EPB41L2: variants seen among roughly 807,000 people sequenced by gnomAD.
The protein encoded by EPB41L2 is erythrocyte membrane protein band 4.1 like 2.
In EPB41L2, 43 loss-of-function variants were observed where a neutral mutation model predicts 113.0. The observed-to-expected ratio is 0.38, with a 90% CI of 0.30 to 0.49. The LOEUF (loss-of-function observed/expected upper bound fraction) is 0.49. Ranked by LOEUF, EPB41L2 falls within the 20% of genes least tolerant of loss-of-function variation. EPB41L2 has a pLI of 0.95. For missense variants in EPB41L2, 1,147 were observed against 1,223.4 expected, an observed-to-expected ratio of 0.94 and a Z score of 0.93; for synonymous variants, 442 against 436.7, an observed-to-expected ratio of 1.01 and a Z score of -0.15.
chr6:131,045,199 C>T (rs939288867), intron 1 of EPB41L2, among the ~76,000 whole-genome samples: 8 of 151,862 alleles, frequency 5.3e-5, no homozygotes, highest in Non-Finnish European at 5.9e-5. Flanking sequence ...GGTTTCCACT[C>T]GTCTTTATTG....
chr6:131,009,236 G>A (rs1026394856), intron 1 of EPB41L2, among the ~76,000 whole-genome samples: 2 of 152,114 alleles, frequency 1.3e-5, no homozygotes, highest in Non-Finnish European at 2.9e-5. Flanking sequence ...TTTATAAGGG[G>A]CTTTCCCCCT....
At chr6:130,843,187 C>T (rs1008535982) in intron 19 of EPB41L2, among the ~76,000 whole-genome samples, 3 of 152,142 alleles carry the variant, frequency 2.0e-5, no homozygotes, top group Non-Finnish European at 2.9e-5. Context: ...AAACAGTTAG[C>T]TTTTGAGCTA....
intron 1 of EPB41L2, among the ~76,000 whole-genome samples, chr6:131,033,153 C>T (rs866191862): frequency 1.3e-5 from 2 of 151,658 alleles, no homozygotes; most frequent in Non-Finnish European, 2.9e-5. Context: ...GGATTACATG[C>T]GTGAGCCACT....
At position 130,870,001 on chromosome 6, in the gene EPB41L2, A is replaced by T. The variant is rs1785132947; in HGVS notation, c.2169T>A (p.Ile723=). Residue 723 remains isoleucine, a synonymous_variant, in exon 15 of 20, where the codon ATT becomes ATA. Coordinates refer to ENST00000337057, the MANE Select transcript of EPB41L2 (RefSeq NM_001431.4). The part of the protein sequence containing the change: ...EISPGSGPGE[I]RKVEPVTQKD... ...TTTGTGTCACAGGCTCCACCTTACG[A>T]ATCTCCCCAGGACCACTCCCAGGTG... The T allele has an allele frequency of 1.9e-6, 3 of 1,613,608 alleles. No homozygotes were observed. Among genetic ancestry groups the T allele is most frequent in the South Asian group, 1.1e-5 (1 of 91,024 alleles).
chr6:130,916,624 G>A (rs550827912), intron 4 of EPB41L2, among the ~76,000 whole-genome samples: 13 of 152,196 alleles, frequency 8.5e-5, no homozygotes, highest in South Asian at 2.1e-4. Context: ...CCCTCCTCCC[G>A]TGGCTTTCAT....
At chr6:130,974,002 C>T (rs534460460) in intron 1 of EPB41L2, among the ~76,000 whole-genome samples, 6 of 152,272 alleles carry the variant, frequency 3.9e-5, no homozygotes, top group East Asian at 1.9e-4. Flanking sequence ...GTCCATCCTA[C>T]GCATTTCTTA....
chr6:130,893,776 A>G (rs1793713551), intron 10 of EPB41L2, among the ~76,000 whole-genome samples: 1 of 152,220 alleles, frequency 6.6e-6, no homozygotes. Flanking sequence ...AGAGGAGAGT[A>G]GTTTGAGGGG....
intron 1 of EPB41L2, among the ~76,000 whole-genome samples, chr6:130,966,984 AC>A (rs1344324431): frequency 6.6e-6 from 1 of 151,808 alleles, no homozygotes; most frequent in Non-Finnish European, 1.5e-5. Flanking sequence ...CCCACCACTT[AC>A]CCCCAATCTA....
intron 3 of EPB41L2, among the ~76,000 whole-genome samples, chr6:130,926,980 C>A (rs997357672): frequency 6.6e-6 from 1 of 152,124 alleles, no homozygotes; most frequent in African/African-American, 2.4e-5. Flanking sequence ...ACGAAAAAGG[C>A]GAAATGTTAG....
intron 8 of EPB41L2, among the ~76,000 whole-genome samples, chr6:130,898,693 C>A (rs376453953): frequency 9.9e-5 from 15 of 151,998 alleles, no homozygotes; most frequent in African/African-American, 3.6e-4. Flanking sequence ...GTATACCGAA[C>A]GTTTATGCTT....
intron 1 of EPB41L2, among the ~76,000 whole-genome samples, chr6:131,051,252 G>T (rs1318883114): frequency 2.0e-5 from 3 of 151,872 alleles, no homozygotes; most frequent in Non-Finnish European, 4.4e-5. Context: ...CTGGCATGGG[G>T]AAACAAGTAT....
At chr6:130,946,030 A>G (rs1196617365) in intron 3 of EPB41L2, among the ~76,000 whole-genome samples, 7 of 152,230 alleles carry the variant, frequency 4.6e-5, no homozygotes, top group Admixed American at 3.9e-4. Context: ...AGATAAAAAC[A>G]TTTCCAAAAA....
intron 10 of EPB41L2, among the ~76,000 whole-genome samples, chr6:130,891,950 G>A (rs1283910118): frequency 6.6e-6 from 1 of 152,204 alleles, no homozygotes; most frequent in East Asian, 1.9e-4. Context: ...GACAAAGTAT[G>A]ACTGGCCCTT....
At chr6:130,901,942 T>C (rs1201420274) in intron 6 of EPB41L2, among the ~76,000 whole-genome samples, 1 of 152,246 alleles carries the variant, frequency 6.6e-6, no homozygotes, top group Non-Finnish European at 1.5e-5. Flanking sequence ...CATTCAATGT[T>C]CCATGTGGCT....
intron 1 of EPB41L2, among the ~76,000 whole-genome samples, chr6:131,051,471 C>G (rs1426315077): frequency 8.7e-6 from 1 of 115,424 alleles, no homozygotes. Context: ...AAAAAACACA[C>G]ACACACACAC....
chr6:130,858,231 C>T lies in EPB41L2; in HGVS notation c.2923G>A (p.Ala975Thr). Residue 975 changes from alanine to threonine, a missense_variant, in exon 19 of 20, where the codon GCG (alanine) becomes ACG (threonine). Ala to Thr is a moderately conservative substitution (Grantham distance 58, BLOSUM62 0). Transcript: ENST00000337057. Reference sequence around the variant, plus strand: ...TGCTGCTCTCTGGCTTCCCTGATCGCCTGAGCCAGTGCCTGCCAGGGTCAG... The same window carrying T: ...TGCTGCTCTCTGGCTTCCCTGATCGTCTGAGCCAGTGCCTGCCAGGGTCAG... ...DIDHDQALAQ[A>T]IREAREQHPD... The T allele has an allele frequency of 6.2e-7, 1 of 1,612,382 alleles. No individual in the cohort carries two copies. Among genetic ancestry groups the T allele is most frequent in the Non-Finnish European group, 8.5e-7 (1 of 1,179,126 alleles).
At chr6:130,871,454 T>C (rs760677388) in intron 14 of EPB41L2, among the ~76,000 whole-genome samples, 6 of 152,202 alleles carry the variant, frequency 3.9e-5, no homozygotes, top group Non-Finnish European at 8.8e-5. Flanking sequence ...GTTGTGAAGC[T>C]GCCAAGGTAC....
chr6:130,872,669 G>T (rs1253259532), intron 14 of EPB41L2: 1 of 586,348 alleles, frequency 1.7e-6, no homozygotes, highest in Admixed American at 4.2e-5. Flanking sequence ...GAAAAGATGA[G>T]AATTCTGACA....
At chr6:130,876,883 G>A (rs1787742475) in intron 14 of EPB41L2, 3 of 447,962 alleles carry the variant, frequency 6.7e-6, no homozygotes, top group South Asian at 5.7e-5. Flanking sequence ...ACACACACCA[G>A]GAGAAGTGGC....
Sources: allele counts gnomAD v4.1 joint callset (sites outside exome capture counted in the v4.1 genomes callset), GRCh38; gene constraint gnomAD v4.1.1; transcripts MANE v1.5; gene names NCBI Gene and HGNC (gene_info 2026-07-23, HGNC 2026-07-21).